Variants in SLC8A3 observed in about 807,000 individuals in gnomAD.
The protein encoded by SLC8A3 is sodium/calcium exchanger 3.
SLC8A3 carries 37 observed loss-of-function variants against 65.4 expected under a neutral mutation model. That is an observed-to-expected ratio of 0.57 (90% confidence interval 0.44 to 0.74). The LOEUF is 0.74. SLC8A3 is among the 30% of genes least tolerant of loss of function. The pLI, the probability that SLC8A3 is intolerant of heterozygous loss-of-function variation, is 0.00. For missense variants in SLC8A3, 1,112 were observed against 1,172.1 expected, an observed-to-expected ratio of 0.95 and a Z score of 0.75; for synonymous variants, 461 against 444.5, an observed-to-expected ratio of 1.04 and a Z score of -0.47.
intron 2 of SLC8A3, among the ~76,000 whole-genome samples, chr14:70,126,570 T>TCTCTCTCTCTCTCTCA (rs1385909771): frequency 2.6e-5 from 3 of 116,992 alleles, no homozygotes; most frequent in African/African-American, 6.4e-5. Context: ...TCTCTCTCTC[T>TCTCTCTCTCTCTCTCA]CACACACACA....
chr14:70,085,016 G>A (rs917618444), intron 2 of SLC8A3, among the ~76,000 whole-genome samples: 4 of 152,320 alleles, frequency 2.6e-5, no homozygotes, highest in South Asian at 4.1e-4. Flanking sequence ...ATTTACAAAT[G>A]TCTATTGAGT....
At chr14:70,070,683 AAGAG>A (rs1889931138) in intron 2 of SLC8A3, among the ~76,000 whole-genome samples, 1 of 152,150 alleles carries the variant, frequency 6.6e-6, no homozygotes, top group African/African-American at 2.4e-5. Flanking sequence ...ACTAGCTTAT[AAGAG>A]AGTGATCACC....
At chr14:70,056,877 A>G (rs1265775497) in intron 3 of SLC8A3, among the ~76,000 whole-genome samples, 1 of 152,238 alleles carries the variant, frequency 6.6e-6, no homozygotes, top group Non-Finnish European at 1.5e-5. Flanking sequence ...CTTAGAGTTT[A>G]AGATCTAAGA....
At chr14:70,053,974 C>T (rs1887788387) in intron 3 of SLC8A3, among the ~76,000 whole-genome samples, 1 of 152,124 alleles carries the variant, frequency 6.6e-6, no homozygotes, top group Non-Finnish European at 1.5e-5. Flanking sequence ...ATTTAGAGGA[C>T]CATAGTGATT....
At chr14:70,149,757 C>T (rs1256910570) in intron 2 of SLC8A3, among the ~76,000 whole-genome samples, 2 of 152,192 alleles carry the variant, frequency 1.3e-5, no homozygotes, top group African/African-American at 2.4e-5. Flanking sequence ...CCTCCCAGCC[C>T]TTCTTCCTCC....
At chr14:70,171,595 G>T (rs983576808) in intron 1 of SLC8A3, among the ~76,000 whole-genome samples, 1 of 152,192 alleles carries the variant, frequency 6.6e-6, no homozygotes, top group Non-Finnish European at 1.5e-5. Flanking sequence ...GAGGTCAGGA[G>T]TTCAAGGCCA....
At chr14:70,109,528 C>G (rs1239231880) in intron 2 of SLC8A3, among the ~76,000 whole-genome samples, 1 of 151,750 alleles carries the variant, frequency 6.6e-6, no homozygotes, top group African/African-American at 2.4e-5. Context: ...AATCTCAGTT[C>G]ACTGCAACCT....
intron 3 of SLC8A3, among the ~76,000 whole-genome samples, chr14:70,057,611 G>A (rs1888310989): frequency 1.3e-5 from 2 of 152,184 alleles, no homozygotes; most frequent in Non-Finnish European, 1.5e-5. Flanking sequence ...CTGCTCAGCA[G>A]TTATAGATGG....
At chr14:70,109,014 TCCATTGA>T (rs1196670791) in intron 2 of SLC8A3, among the ~76,000 whole-genome samples, 4 of 152,192 alleles carry the variant, frequency 2.6e-5, no homozygotes, top group Admixed American at 1.3e-4. Context: ...CTAAAGTTTA[TCCATTGA>T]TGTCTGTCTC....
intron 2 of SLC8A3, among the ~76,000 whole-genome samples, chr14:70,129,830 G>A (rs759863712): frequency 1.3e-5 from 2 of 152,206 alleles, no homozygotes; most frequent in Non-Finnish European, 2.9e-5. Context: ...AAACTAAACA[G>A]TAAACTCTTG....
In SLC8A3 at chr14:70,073,123, TGCTG is replaced by T. The variant is rs1221152462; in HGVS notation, c.1785-12188_1785-12185del. 2.6e-5 allele frequency among the ~76,000 whole-genome samples: 4 copies of T among 152,254 alleles called. No homozygotes were observed. In the East Asian group the frequency reaches 7.7e-4, roughly 29 times the overall value. On this transcript the variant is annotated intron_variant, in intron 2 of 6. Coordinates refer to ENST00000356921, the MANE Select transcript of SLC8A3 (RefSeq NM_182932.3). ...CATAATAAAGATTTCCCTCCTTCTT[TGCTG>T]CCCTATGGTGGGAAGTGCTTTATAT...
chr14:70,146,437 A>C (rs1895931751), intron 2 of SLC8A3, among the ~76,000 whole-genome samples: 2 of 152,198 alleles, frequency 1.3e-5, no homozygotes, highest in Non-Finnish European at 2.9e-5. Flanking sequence ...GTTGGGAGAC[A>C]TATTGAGGAG....
intron 2 of SLC8A3, among the ~76,000 whole-genome samples, chr14:70,128,187 C>T (rs894242085): frequency 2.6e-5 from 4 of 152,208 alleles, no homozygotes; most frequent in East Asian, 1.9e-4. Flanking sequence ...TTCCACCATA[C>T]CACTTGGTAT....
At chr14:70,112,939 A>C (rs1035823786) in intron 2 of SLC8A3, among the ~76,000 whole-genome samples, 4 of 152,064 alleles carry the variant, frequency 2.6e-5, no homozygotes, top group African/African-American at 9.7e-5. Flanking sequence ...TTTAGGGCCC[A>C]CTTTACTCTG....
At chr14:70,085,598 C>A (rs1024654029) in intron 2 of SLC8A3, among the ~76,000 whole-genome samples, 2 of 152,122 alleles carry the variant, frequency 1.3e-5, no homozygotes, top group African/African-American at 4.8e-5. Flanking sequence ...TATCATAATA[C>A]GATGCCAACA....
At chr14:70,115,984 A>G (rs1387748699) in intron 2 of SLC8A3, among the ~76,000 whole-genome samples, 1 of 152,150 alleles carries the variant, frequency 6.6e-6, no homozygotes, top group East Asian at 1.9e-4. Context: ...CATTTAACAA[A>G]GCCTTTGTCA....
At chr14:70,107,914 G>A (rs967739088) in intron 2 of SLC8A3, among the ~76,000 whole-genome samples, 12 of 152,160 alleles carry the variant, frequency 7.9e-5, no homozygotes, top group Non-Finnish European at 1.5e-4. Flanking sequence ...GGTCAGGTCT[G>A]AAAATTCCTT....
chr14:70,155,849 G>T (rs1324060803), intron 2 of SLC8A3, among the ~76,000 whole-genome samples: 1 of 152,196 alleles, frequency 6.6e-6, no homozygotes, highest in Admixed American at 6.5e-5. Flanking sequence ...TCCTCTGACA[G>T]TCAGCCCTTG....
intron 2 of SLC8A3, among the ~76,000 whole-genome samples, chr14:70,077,102 G>A (rs369836008): frequency 4.3e-4 from 66 of 152,256 alleles, no homozygotes; most frequent in African/African-American, 1.5e-3. Flanking sequence ...TTTGATGATG[G>A]TCTGTCTGTT....
Sources: allele counts gnomAD v4.1 joint callset (sites outside exome capture counted in the v4.1 genomes callset), GRCh38; gene constraint gnomAD v4.1.1; transcripts MANE v1.5; gene names NCBI Gene and HGNC (gene_info 2026-07-23, HGNC 2026-07-21).